DPP10: variants seen among roughly 807,000 people sequenced by gnomAD.
The protein encoded by DPP10 is dipeptidyl peptidase like 10, also known as inactive dipeptidyl peptidase 10.
A neutral mutation model predicts 120.9 loss-of-function variants in DPP10; 33 were observed. That is an observed-to-expected ratio of 0.27 (90% CI 0.21 to 0.37). DPP10 has a LOEUF of 0.37. Ranked by LOEUF, DPP10 falls within the 10% of genes least tolerant of loss-of-function variation. The pLI, the probability that DPP10 is intolerant of heterozygous loss-of-function variation, is 1.00. For synonymous variants in DPP10, 337 were observed against 326.1 expected (o/e 1.03, Z -0.36); for missense variants, 816 against 942.8 (o/e 0.87, Z 1.76).
At chr2:115,453,535 T>C (rs1207581610) in intron 3 of DPP10, among the ~76,000 whole-genome samples, 1 of 151,614 alleles carries the variant, frequency 6.6e-6, no homozygotes, top group African/African-American at 2.4e-5. Flanking sequence ...TTTGGAAATT[T>C]ATGAATATAT....
At chr2:115,306,561 C>T (rs374649136) in intron 1 of DPP10, among the ~76,000 whole-genome samples, 8 of 151,882 alleles carry the variant, frequency 5.3e-5, no homozygotes, top group African/African-American at 1.5e-4. Context: ...AAAAAAGTAA[C>T]GTAAGTAACA....
At chr2:115,837,875 C>A (rs2150125975) in intron 24 of DPP10, among the ~76,000 whole-genome samples, 1 of 151,076 alleles carries the variant, frequency 6.6e-6, no homozygotes, top group South Asian at 2.1e-4. Flanking sequence ...CTCTCATAGA[C>A]CAGAGGAAGT....
chr2:115,047,721 C>T (rs1167667587), intron 1 of DPP10, among the ~76,000 whole-genome samples: 1 of 152,066 alleles, frequency 6.6e-6, no homozygotes, highest in East Asian at 1.9e-4. Context: ...TTAATGAAGA[C>T]AGTTTCTAAA....
intron 1 of DPP10, among the ~76,000 whole-genome samples, chr2:114,706,087 C>A (rs531639371): frequency 1.3e-5 from 2 of 152,314 alleles, no homozygotes; most frequent in South Asian, 4.1e-4. Context: ...TCTAAAGAAC[C>A]TAGCATATTT....
intron 3 of DPP10, among the ~76,000 whole-genome samples, chr2:115,434,566 G>T (rs187385509): frequency 6.6e-6 from 1 of 151,860 alleles, no homozygotes; most frequent in East Asian, 1.9e-4. Flanking sequence ...GATCCATAAT[G>T]TGGTACATAT....
intron 1 of DPP10, among the ~76,000 whole-genome samples, chr2:114,636,826 G>A (rs1433431941): frequency 1.3e-5 from 2 of 151,778 alleles, no homozygotes; most frequent in South Asian, 2.1e-4. Flanking sequence ...TAAGACTTTT[G>A]TGTCACAAAC....
intron 1 of DPP10, among the ~76,000 whole-genome samples, chr2:115,158,107 C>T (rs759209847): frequency 7.9e-5 from 12 of 152,188 alleles, no homozygotes; most frequent in Non-Finnish European, 1.8e-4. Flanking sequence ...TTATTTCTTA[C>T]TTGGTTGTTT....
intron 5 of DPP10, among the ~76,000 whole-genome samples, chr2:115,628,691 T>C (rs1258370412): frequency 6.6e-6 from 1 of 152,172 alleles, no homozygotes. Context: ...AGTTAATTTT[T>C]GTATAAGGTG....
chr2:114,958,125 A>T (rs1698346778), intron 1 of DPP10, among the ~76,000 whole-genome samples: 1 of 152,174 alleles, frequency 6.6e-6, no homozygotes, highest in African/African-American at 2.4e-5. Context: ...AAATTTATAG[A>T]CAAAAAAAAG....
chr2:114,999,608 T>C (rs1168832946), intron 1 of DPP10, among the ~76,000 whole-genome samples: 1 of 152,136 alleles, frequency 6.6e-6, no homozygotes, highest in Non-Finnish European at 1.5e-5. Context: ...CTTGAGGCCT[T>C]TGTCGGTGCT....
rs542072833 is a variant in DPP10, at chr2:115,552,459, T to G, written c.441+26487T>G. On this transcript the variant is annotated intron_variant, in intron 5 of 25. Coordinates refer to ENST00000410059, the MANE Select transcript of DPP10 (RefSeq NM_020868.6). ...ATTATTGCCTCACACGGAATTATTA[T>G]CAAACCAATCAATATTTCTGATAAA... 3.3e-5 allele frequency among the ~76,000 whole-genome samples: 5 copies of G among 152,204 alleles called. No homozygotes were observed. The Middle Eastern group carries it at 0.014, about 414-fold the overall frequency.
At chr2:115,828,904 C>A (rs146346539) in intron 21 of DPP10, among the ~76,000 whole-genome samples, 9 of 152,084 alleles carry the variant, frequency 5.9e-5, no homozygotes, top group African/African-American at 2.2e-4. Context: ...ATTTTGACTT[C>A]TGGTATATAT....
intron 3 of DPP10, among the ~76,000 whole-genome samples, chr2:115,396,558 G>A (rs1187009216): frequency 2.0e-5 from 3 of 152,180 alleles, no homozygotes; most frequent in African/African-American, 7.2e-5. Flanking sequence ...ATGTCAAAAT[G>A]AGAAAAGGGA....
chr2:115,607,402 T>C (rs897606650), intron 5 of DPP10, among the ~76,000 whole-genome samples: 1 of 152,186 alleles, frequency 6.6e-6, no homozygotes, highest in Non-Finnish European at 1.5e-5. Context: ...TACACAGATA[T>C]ATAGGGAGAG....
intron 1 of DPP10, among the ~76,000 whole-genome samples, chr2:115,024,423 A>G (rs1054338865): frequency 2.6e-5 from 4 of 151,762 alleles, no homozygotes; most frequent in Admixed American, 2.6e-4. Context: ...ATTCCAATTT[A>G]TCTCAATTTT....
At chr2:115,043,747 A>G (rs1203404924) in intron 1 of DPP10, among the ~76,000 whole-genome samples, 6 of 152,204 alleles carry the variant, frequency 3.9e-5, no homozygotes, top group African/African-American at 1.4e-4. Context: ...ACGTTTAAAA[A>G]TTGGCTTTCA....
intron 12 of DPP10, among the ~76,000 whole-genome samples, chr2:115,763,580 A>G (rs1314454311): frequency 6.6e-6 from 1 of 152,038 alleles, no homozygotes; most frequent in African/African-American, 2.4e-5. Flanking sequence ...TTTACTTTCA[A>G]ACATCTCTCA....
intron 1 of DPP10, among the ~76,000 whole-genome samples, chr2:114,574,460 T>G (rs1457022271): frequency 6.6e-6 from 1 of 152,180 alleles, no homozygotes; most frequent in Non-Finnish European, 1.5e-5. Context: ...CTTGGCACTG[T>G]GGACAGGCCT....
intron 1 of DPP10, among the ~76,000 whole-genome samples, chr2:114,603,671 TG>T (rs1692554550): frequency 6.6e-6 from 1 of 152,066 alleles, no homozygotes; most frequent in Admixed American, 6.6e-5. Context: ...ATGTGGAGGA[TG>T]GGGCGGTAAA....
Sources: gnomAD v4.1 joint callset for allele counts (sites outside exome capture counted in the v4.1 genomes callset) on GRCh38, gnomAD v4.1.1 for gene constraint, MANE v1.5 for transcripts, NCBI Gene and HGNC (gene_info 2026-07-23, HGNC 2026-07-21) for gene names.